Variants in ZNF66 observed in about 807,000 individuals in gnomAD.
ZNF66 encodes the protein zinc finger protein 66.
ZNF66 carries 32 observed loss-of-function variants against 35.2 expected under a neutral mutation model. The ratio of observed to expected loss-of-function variants is 0.91; its 90% confidence interval spans 0.69 to 1.22. The LOEUF (loss-of-function observed/expected upper bound fraction) is 1.22. ZNF66 is among the 50% of genes most tolerant of loss of function. ZNF66 has a pLI of 0.00. For synonymous variants in ZNF66, 231 were observed against 181.3 expected, an observed-to-expected ratio of 1.27 and a Z score of -2.20; for missense variants, 666 against 543.1, an observed-to-expected ratio of 1.23 and a Z score of -2.25.
chr19:20,806,733 TTAAG>T lies in ZNF66; in HGVS notation c.1136_1139del (p.Lys379ThrfsTer10), dbSNP rs757479220. ...AAATGTGAAGAATGTGGTGAAGCCTTTAAGTACTCCTGTTCCCTTACTGCACATA... is the reference window on the plus strand; with the variant it reads ...AAATGTGAAGAATGTGGTGAAGCCTTTACTCCTGTTCCCTTACTGCACATA... On this transcript the variant is annotated frameshift_variant, in exon 4 of 4. Coordinates refer to ENST00000344519, the MANE Select transcript of ZNF66 (RefSeq NM_001355197.2). LOFTEE classifies it high-confidence loss of function. 14 of 1,390,798 alleles carry T rather than the reference TTAAG, an allele frequency of 1.0e-5. No homozygotes were observed. The African/African-American group carries it at 1.8e-4, about 18-fold the overall frequency. The allele number at this position is 1,390,798 out of a possible 1,614,324, so 86.2% of individuals were successfully genotyped here.
intron 3 of ZNF66, among the ~76,000 whole-genome samples, chr19:20,799,793 G>T (rs920977565): frequency 6.6e-6 from 1 of 151,264 alleles, no homozygotes; most frequent in Non-Finnish European, 1.5e-5. Flanking sequence ...TCTTTTATCT[G>T]TTTGTCTTTG....
In ZNF66 at chr19:20,809,437, C is replaced by T. The variant is rs190236693; in HGVS notation, c.*2115C>T. On this transcript the variant is annotated 3_prime_UTR_variant, in exon 4 of 4. Coordinates refer to ENST00000344519, the MANE Select transcript of ZNF66 (RefSeq NM_001355197.2). ...GTTAAGGGCAGCCAGAGAGAAAGGT[C>T]GGGTTACCCACAAAGGGAAGCCCAT... is the stretch of plus-strand genomic sequence containing the variant. Among the ~76,000 whole-genome samples the T allele has an allele frequency of 5.0e-3, 755 of 152,212 alleles. 4 individuals are homozygous for T. Among genetic ancestry groups the T allele is most frequent in the Non-Finnish European group, 7.2e-3 (490 of 68,008 alleles).
rs1265082754 is a variant in ZNF66, at chr19:20,797,495, C to T, written c.226+3617C>T. Reference sequence around the variant, plus strand: ...TGCTGGGATTACAGGCGTGAGCCACCGCGCCCGGCCGATTTTATGAGTAAA... The same window carrying T: ...TGCTGGGATTACAGGCGTGAGCCACTGCGCCCGGCCGATTTTATGAGTAAA... On this transcript the variant is annotated intron_variant, in intron 3 of 3. Transcript: ENST00000344519. 8.1e-5 allele frequency among the ~76,000 whole-genome samples: 10 copies of T among 124,016 alleles called. 1 individual carries two copies. Among genetic ancestry groups the T allele is most frequent in the South Asian group, 2.5e-4 (1 of 4,062 alleles). 81.4% of individuals were successfully genotyped at this position (124,016 alleles called of 152,430 possible).
intron 1 of ZNF66, among the ~76,000 whole-genome samples, chr19:20,781,382 C>CCCACCCT (rs1269159826): frequency 6.6e-6 from 1 of 152,188 alleles, no homozygotes. Context: ...TCTGAGTTCT[C>CCCACCCT]CCACCCTCCA....
intron 1 of ZNF66, among the ~76,000 whole-genome samples, chr19:20,782,523 C>T (rs1385717338): frequency 6.6e-6 from 1 of 152,184 alleles, no homozygotes; most frequent in African/African-American, 2.4e-5. Flanking sequence ...TCTCTGCAAC[C>T]TTGCCAGCAT....
intron 1 of ZNF66, among the ~76,000 whole-genome samples, chr19:20,791,122 A>G (rs181944147): frequency 6.6e-6 from 1 of 152,310 alleles, no homozygotes; most frequent in Admixed American, 6.5e-5. Context: ...CTTAGTAAAG[A>G]TGGAGAAAAT....
chr19:20,793,074 A>AAAAAAAAAAAAGGAAG (rs1315043789), intron 2 of ZNF66, among the ~76,000 whole-genome samples: 14 of 120,700 alleles, frequency 1.2e-4, no homozygotes, highest in African/African-American at 4.3e-4. Flanking sequence ...CTCAAGGAAG[A>AAAAAAAAAAAAGGAAG]AAAAAAAAAA....
chr19:20,806,725 T>G lies in ZNF66; in HGVS notation c.1125T>G (p.Gly375=). Reference sequence around the variant, plus strand: ...AACCCTACAAATGTGAAGAATGTGGTGAAGCCTTTAAGTACTCCTGTTCCC... The same window carrying G: ...AACCCTACAAATGTGAAGAATGTGGGGAAGCCTTTAAGTACTCCTGTTCCC... ...GEKPYKCEEC[G]EAFKYSCSLT... Residue 375 remains glycine (G), a synonymous_variant, in exon 4 of 4, where the codon GGT becomes GGG. Coordinates refer to ENST00000344519, the MANE Select transcript of ZNF66 (RefSeq NM_001355197.2). 7.1e-7 allele frequency: 1 copy of G among 1,412,208 alleles called. No individual in the cohort carries two copies. Among genetic ancestry groups the G allele is most frequent in the South Asian group, 1.2e-5 (1 of 86,562 alleles). 87.5% of individuals were successfully genotyped at this position (1,412,208 alleles called of 1,614,324 possible).
intron 1 of ZNF66, 69 bp downstream of exon 1, chr19:20,776,519 T>G: frequency 6.8e-7 from 1 of 1,476,950 alleles, no homozygotes; most frequent in Non-Finnish European, 9.4e-7. Flanking sequence ...CTCCCCTCAG[T>G]CAGCTCCACA....
Position 20,807,440 on chromosome 19 carries a change from A to G in ZNF66, c.*118A>G. The G allele has an allele frequency of 1.8e-6, 1 of 549,458 alleles. No homozygotes were observed. The allele number at this position is 549,458 out of a possible 1,614,324, so 34.0% of individuals were successfully genotyped here. ...CAACTTTTACTAAATATGAGAATTTATGGAACACAAACACTACAAATATAA... is the reference window on the plus strand; with the variant it reads ...CAACTTTTACTAAATATGAGAATTTGTGGAACACAAACACTACAAATATAA... On this transcript the variant is annotated 3_prime_UTR_variant, in exon 4 of 4. Coordinates refer to ENST00000344519, the MANE Select transcript of ZNF66 (RefSeq NM_001355197.2).
Position 20,805,126 on chromosome 19 carries a change from T to TGTGAGAGAGAGAGA in ZNF66, c.227-700_227-699insTGAGAGAGAGAGAG, listed in dbSNP as rs752355466. On this transcript the variant is annotated intron_variant, in intron 3 of 3. Transcript: ENST00000344519. ...TTACATTTGTGTGTGTGTGTGTGTG[T>TGTGAGAGAGAGAGA]GAGAGAGAGAGAGAGAGAGAGAGAG... Among the ~76,000 whole-genome samples the TGTGAGAGAGAGAGA allele has an allele frequency of 1.7e-3, 242 of 146,066 alleles. 4 individuals are homozygous for TGTGAGAGAGAGAGA. The highest frequency in any genetic ancestry group is 0.014 in the South Asian group (62 of 4,534).
chr19:20,778,142 C>A lies in ZNF66; in HGVS notation c.3+1692C>A, dbSNP rs561583621. The stretch of plus-strand genomic sequence containing the variant: ...TTTGAAACAGAGTCTCACTCCGTCA[C>A]CAGGTTGGAGTGCAGTGGCGTGATC... On this transcript the variant is annotated intron_variant, in intron 1 of 3. Transcript: ENST00000344519. 9.2e-5 allele frequency among the ~76,000 whole-genome samples: 14 copies of A among 152,248 alleles called. No individual in the cohort carries two copies. In the East Asian group the frequency reaches 2.7e-3, roughly 29 times the overall value.
intron 3 of ZNF66, among the ~76,000 whole-genome samples, chr19:20,795,331 C>G (rs1395253320): frequency 2.6e-5 from 4 of 151,738 alleles, no homozygotes; most frequent in African/African-American, 7.3e-5. Context: ...ATTTTAGAAG[C>G]ATTTCCTTAG....
rs35269524 is a variant in ZNF66 at position 20,791,485 on chromosome 19, C to CAAAAAA, written c.4-1012_4-1007dup. On this transcript the variant is annotated intron_variant, in intron 1 of 3. Transcript: ENST00000344519. Reference sequence around the variant, plus strand: ...GGGGGACAAGAGTGAGACTTAATCTCAAAAAAAAAAAAAAAAAAAAGAAAA... The same window carrying CAAAAAA: ...GGGGGACAAGAGTGAGACTTAATCTCAAAAAAAAAAAAAAAAAAAAAAAAAAGAAAA... Among the ~76,000 whole-genome samples the CAAAAAA allele has an allele frequency of 2.3e-4, 13 of 57,280 alleles. 1 individual carries two copies. The highest frequency in any genetic ancestry group is 4.0e-4 in the Non-Finnish European group (10 of 24,846). The allele number at this position is 57,280 out of a possible 152,430, so 37.6% of individuals were successfully genotyped here. A position where few individuals can be genotyped will look rare whatever the true frequency, so the allele number is the denominator to read the frequency against.
At chr19:20,782,492 A>C (rs1169508254) in intron 1 of ZNF66, among the ~76,000 whole-genome samples, 1 of 152,188 alleles carries the variant, frequency 6.6e-6, no homozygotes, top group Non-Finnish European at 1.5e-5. Flanking sequence ...CTCCCACCAG[A>C]AGAGTATAAG....
intron 1 of ZNF66, among the ~76,000 whole-genome samples, chr19:20,790,124 G>A (rs1568495730): frequency 6.6e-6 from 1 of 152,246 alleles, no homozygotes; most frequent in Non-Finnish European, 1.5e-5. Context: ...ATTACATAAA[G>A]TGGGGCCAAA....
intron 3 of ZNF66, among the ~76,000 whole-genome samples, chr19:20,800,021 GATTGGTTGTTGTTTTGAGACAAGATCTT>G (rs1971433565): frequency 6.6e-6 from 1 of 152,166 alleles, no homozygotes; most frequent in African/African-American, 2.4e-5. Context: ...TTTTTAAAGT[GATTGGTTGTTGTTTTGAGACAAGATCTT>G]ACTGTCACCC....
chr19:20,791,954 CT>C (rs962096966), intron 1 of ZNF66, among the ~76,000 whole-genome samples: 18 of 151,700 alleles, frequency 1.2e-4, no homozygotes, highest in African/African-American at 4.4e-4. Flanking sequence ...ACATATTTTT[CT>C]TTGGAAAATT....
Position 20,807,338 on chromosome 19 carries a change from T to TA in ZNF66, c.*17dup, listed in dbSNP as rs1971531950. 3.3e-6 allele frequency: 2 copies of TA among 612,138 alleles called. No homozygotes were observed. The highest frequency in any genetic ancestry group is 2.9e-5 in the Admixed American group (1 of 34,844). The allele number at this position is 612,138 out of a possible 1,614,324, so 37.9% of individuals were successfully genotyped here. A position where few individuals can be genotyped will look rare whatever the true frequency, so the allele number is the denominator to read the frequency against. ...AAAGCCTTAGACACTCCTCTACCCT[T>TA]ACTAGACATAAGATAATTCATACTG... On this transcript the variant is annotated 3_prime_UTR_variant, in exon 4 of 4. Coordinates refer to ENST00000344519, the MANE Select transcript of ZNF66 (RefSeq NM_001355197.2).
Sources: gnomAD v4.1 joint callset for allele counts (sites outside exome capture counted in the v4.1 genomes callset) on GRCh38, gnomAD v4.1.1 for gene constraint, MANE v1.5 for transcripts, NCBI Gene and HGNC (gene_info 2026-07-23, HGNC 2026-07-21) for gene names.